CMIP: variants seen among roughly 807,000 people sequenced by gnomAD.
CMIP encodes the protein c-Maf inducing protein, also known as C-Maf-inducing protein.
Under a neutral mutation model 97.3 loss-of-function variants are expected in CMIP, and 13 were observed. The observed-to-expected ratio is 0.13, with a 90% CI of 0.09 to 0.21. CMIP has a LOEUF of 0.21. CMIP is among the 10% of genes least tolerant of loss of function. The pLI is 1.00. For synonymous variants in CMIP, 538 were observed against 436.3 expected (o/e 1.23, Z -2.91); for missense variants, 847 against 1,024.9 (o/e 0.83, Z 2.37).
intron 8 of CMIP, among the ~76,000 whole-genome samples, chr16:81,671,545 C>G (rs1027117007): frequency 6.6e-6 from 1 of 152,188 alleles, no homozygotes; most frequent in Non-Finnish European, 1.5e-5. Flanking sequence ...CCTGAACCAC[C>G]AGGTGTGAGC....
intron 5 of CMIP, among the ~76,000 whole-genome samples, chr16:81,659,419 T>G (rs989773980): frequency 1.3e-5 from 2 of 152,020 alleles, no homozygotes; most frequent in African/African-American, 2.4e-5. Flanking sequence ...CCTGGGAGGA[T>G]GATGATGGAG....
At chr16:81,531,679 G>T (rs1185264603) in intron 1 of CMIP, among the ~76,000 whole-genome samples, 2 of 152,184 alleles carry the variant, frequency 1.3e-5, no homozygotes, top group Non-Finnish European at 2.9e-5. Context: ...GGAGAACTGG[G>T]TTCACTGGGT....
At chr16:81,468,285 T>G (rs988891232) in intron 1 of CMIP, among the ~76,000 whole-genome samples, 2 of 152,206 alleles carry the variant, frequency 1.3e-5, no homozygotes, top group Non-Finnish European at 2.9e-5. Context: ...GTGCTCACTC[T>G]CCCACTGCCC....
At chr16:81,517,170 C>T (rs1469622975) in intron 1 of CMIP, among the ~76,000 whole-genome samples, 1 of 150,476 alleles carries the variant, frequency 6.6e-6, no homozygotes, top group Non-Finnish European at 1.5e-5. Flanking sequence ...CCCAGACGGC[C>T]TCCAAGGTCA....
intron 2 of CMIP, chr16:81,617,690 G>A (rs1310634798): frequency 6.6e-6 from 1 of 152,296 alleles, no homozygotes; most frequent in Non-Finnish European, 1.5e-5. Flanking sequence ...ATTCGTTCCA[G>A]TGTAACCAGC....
At chr16:81,446,361 G>C (rs1011581585) in intron 1 of CMIP, among the ~76,000 whole-genome samples, 1 of 150,414 alleles carries the variant, frequency 6.6e-6, no homozygotes, top group Middle Eastern at 3.2e-3. Context: ...CCATTGATCT[G>C]TTTCTGAAAT....
intron 3 of CMIP, among the ~76,000 whole-genome samples, chr16:81,638,597 C>T (rs2092265745): frequency 1.3e-5 from 2 of 152,078 alleles, no homozygotes; most frequent in Admixed American, 1.3e-4. Context: ...TTGTCCCTTT[C>T]CTCTCCCCCC....
At chr16:81,446,894 T>G (rs13336715) in intron 1 of CMIP, among the ~76,000 whole-genome samples, 2,349 of 131,688 alleles carry the variant, frequency 0.018, 56 homozygotes, top group African/African-American at 0.063. Flanking sequence ...CTTTTATTCT[T>G]AATTTGGGGT....
chr16:81,636,729 C>T (rs572915441), intron 3 of CMIP, among the ~76,000 whole-genome samples: 1 of 152,168 alleles, frequency 6.6e-6, no homozygotes, highest in South Asian at 2.1e-4. Flanking sequence ...AATGCATGAA[C>T]GGCTTCCTGC....
chr16:81,634,598 G>A (rs908254313), intron 3 of CMIP, among the ~76,000 whole-genome samples: 4 of 152,176 alleles, frequency 2.6e-5, no homozygotes, highest in Non-Finnish European at 4.4e-5. Flanking sequence ...TCTGCCGCAC[G>A]AGTGTCTGAG....
chr16:81,484,557 G>C (rs1220905996), intron 1 of CMIP, among the ~76,000 whole-genome samples: 4 of 152,208 alleles, frequency 2.6e-5, no homozygotes. Context: ...TGGGCCACGA[G>C]GGTGGGGGAC....
intron 9 of CMIP, among the ~76,000 whole-genome samples, chr16:81,674,118 G>A (rs1168907756): frequency 6.6e-6 from 1 of 152,156 alleles, no homozygotes; most frequent in Non-Finnish European, 1.5e-5. Context: ...AGGTCCCGAT[G>A]TTCAAAGGGG....
intron 1 of CMIP, among the ~76,000 whole-genome samples, chr16:81,592,931 T>A (rs963902755): frequency 6.6e-6 from 1 of 152,224 alleles, no homozygotes; most frequent in Non-Finnish European, 1.5e-5. Context: ...CATCTTTGTG[T>A]CCATCACCTG....
At position 81,652,827 on chromosome 16, in the gene CMIP, G is replaced by A. The variant is rs559784309; in HGVS notation, c.639+463G>A. Among the ~76,000 whole-genome samples, 48 of 152,282 alleles carry A rather than the reference G, an allele frequency of 3.2e-4. No homozygotes were observed. The highest frequency in any genetic ancestry group is 5.9e-4 in the Non-Finnish European group (40 of 68,030). On this transcript the variant is annotated intron_variant, in intron 4 of 20. Coordinates refer to ENST00000537098, the MANE Select transcript of CMIP (RefSeq NM_198390.3). The surrounding 1 kb of genome is among the most constrained non-coding windows in gnomAD (Gnocchi z 5.2). ...TTAAAAACAATCAGAAAATCCAGCC[G>A]CGGTTTGCAGCTGGTGCTACCTGAT...
intron 3 of CMIP, among the ~76,000 whole-genome samples, chr16:81,633,600 G>C (rs7204913): frequency 0.99 from 151,608 of 152,382 alleles, 75,421 homozygotes; most frequent in East Asian, 1. Context: ...CATTCTGCTC[G>C]CCGGAGCACC....
rs906782390 is a variant in CMIP at position 81,696,188 on chromosome 16, A to G, written c.1531-372A>G. 3 of 310,398 alleles carry G rather than the reference A, an allele frequency of 9.7e-6. No individual in the cohort carries two copies. In the Admixed American group the frequency reaches 1.4e-4, roughly 15 times the overall value. 19.2% of individuals were successfully genotyped at this position (310,398 alleles called of 1,614,324 possible). ...GATGGCCCCACCCAGAGGAAGGCAT[A>G]GCAGAAGGAGAAAGGGGGCAGGAGA... On this transcript the variant is annotated intron_variant, in intron 13 of 20. Transcript: ENST00000537098.
chr16:81,665,217 G>A (rs535707258), intron 7 of CMIP: 1 of 152,186 alleles, frequency 6.6e-6, no homozygotes, highest in South Asian at 2.1e-4. Context: ...AATCTGTGTG[G>A]CCCCTTGGTG....
intron 1 of CMIP, among the ~76,000 whole-genome samples, chr16:81,554,477 C>G (rs1334026160): frequency 6.6e-6 from 1 of 152,214 alleles, no homozygotes; most frequent in Non-Finnish European, 1.5e-5. Context: ...TCCTGTTGAG[C>G]CCAGAGGCAG....
At chr16:81,602,414 T>G (rs1269761190) in intron 1 of CMIP, among the ~76,000 whole-genome samples, 1 of 152,280 alleles carries the variant, frequency 6.6e-6, no homozygotes, top group Admixed American at 6.5e-5. Context: ...TTACCTTGTC[T>G]TCACGCATTG....
Sources: allele counts gnomAD v4.1 joint callset (sites outside exome capture counted in the v4.1 genomes callset), GRCh38; gene constraint gnomAD v4.1.1; non-coding constraint Gnocchi (gnomAD v3.1); transcripts MANE v1.5; gene names NCBI Gene and HGNC (gene_info 2026-07-23, HGNC 2026-07-21).